Variants in DDX49 observed in about 807,000 individuals in gnomAD.
DDX49 encodes DEAD-box helicase 49, also known as probable ATP-dependent RNA helicase DDX49.
A neutral mutation model predicts 56.3 loss-of-function variants in DDX49; 50 were observed. The observed-to-expected ratio is 0.89, with a 90% CI of 0.71 to 1.12. The LOEUF (loss-of-function observed/expected upper bound fraction) is 1.12. DDX49 is among the 50% of genes most tolerant of loss of function. The pLI is 0.00. For missense variants in DDX49, 614 were observed against 650.5 expected, an observed-to-expected ratio of 0.94 and a Z score of 0.61; for synonymous variants, 269 against 270.6, an observed-to-expected ratio of 0.99 and a Z score of 0.06.
In DDX49 at chr19:18,924,655, G is replaced by A; in HGVS notation, c.885G>A (p.Lys295=). 6.2e-7 allele frequency: 1 copy of A among 1,614,194 alleles called. No individual in the cohort carries two copies. The highest frequency in any genetic ancestry group is 1.1e-5 in the South Asian group (1 of 91,086). The change falls in exon 8 of 13, where the codon AAG becomes AAA. Residue 295 remains lysine, a synonymous_variant. Transcript: ENST00000247003. ...GCTTTGCCGCCCTAGCCAAGTTCAA[G>A]TCCAGCATCTACCGGATCCTGATCG... is the stretch of plus-strand genomic sequence containing the variant. ...KERFAALAKF[K]SSIYRILIAT...
chr19:18,922,018 C>A, intron 4 of DDX49, 54 bp downstream of exon 4: 1 of 1,559,824 alleles, frequency 6.4e-7, no homozygotes, highest in Non-Finnish European at 8.7e-7. Context: ...AGCCTCCAGG[C>A]CCAATGTCAG....
rs2231996 is a variant in DDX49, at chr19:18,921,752, C to T, written c.325+4C>T. The T allele has an allele frequency of 6.9e-3, 11,128 of 1,614,064 alleles. 638 individuals are homozygous for T. The African/African-American group carries it at 0.13, about 18-fold the overall frequency. ...TGCATCATCGTCGGTGGCATGGGTA[C>T]GGGAGCTGGGAGGCGGGGGAAGCCC... On this transcript the variant is annotated splice_donor_region_variant and intron_variant, in intron 3 of 12. Transcript: ENST00000247003.
At chr19:18,922,780 T>G in intron 6 of DDX49, 36 bp downstream of exon 6, 1 of 1,599,464 alleles carries the variant, frequency 6.3e-7, no homozygotes, top group South Asian at 1.1e-5. Context: ...CCACCGCCCT[T>G]CAAAGGAGGA....
intron 6 of DDX49, 76 bp downstream of exon 6, chr19:18,922,820 A>G: frequency 1.9e-6 from 3 of 1,545,996 alleles, no homozygotes; most frequent in Non-Finnish European, 1.8e-6. Context: ...TCTGGGACAC[A>G]CAGCCAGTCT....
At position 18,921,108 on chromosome 19, in the gene DDX49, T is replaced by G. The variant is rs540509668; in HGVS notation, c.239+405T>G. Among the ~76,000 whole-genome samples the G allele has an allele frequency of 2.0e-5, 3 of 150,062 alleles. No homozygotes were observed. The South Asian group carries it at 6.3e-4, about 32-fold the overall frequency. On this transcript the variant is annotated intron_variant, in intron 2 of 12. Coordinates refer to ENST00000247003, the MANE Select transcript of DDX49 (RefSeq NM_019070.5). ...GTGAGCCAAGATCGTGCCATTGCAC[T>G]CCAGCCTGGGCAACAAGAGCAAAAC...
intron 6 of DDX49, 109 bp downstream of exon 6, chr19:18,922,853 A>G: frequency 1.4e-6 from 2 of 1,396,698 alleles, no homozygotes; most frequent in African/African-American, 1.4e-5. Flanking sequence ...GCCTCTGCTC[A>G]GCCTGGAGGT....
chr19:18,921,788 C>A (rs756108768), intron 3 of DDX49, 40 bp downstream of exon 3: 1 of 1,613,942 alleles, frequency 6.2e-7, no homozygotes, highest in East Asian at 2.2e-5. Context: ...CAGCATGGGA[C>A]CCTAGCAGCT....
Position 18,922,603 on chromosome 19 carries a change from G to A in DDX49, c.636-1G>A. On this transcript the variant is annotated splice_acceptor_variant, in intron 5 of 12. Transcript: ENST00000247003. LOFTEE classifies it high-confidence loss of function. ...GTGGCGGTCTATCTGTCCATCCCCA[G>A]GGTGAGCACCGTGGAGCAGCTGGAC... 18 of 1,611,148 alleles carry A rather than the reference G, an allele frequency of 1.1e-5. No individual in the cohort carries two copies. Among genetic ancestry groups the A allele is most frequent in the Non-Finnish European group, 1.5e-5 (18 of 1,178,394 alleles).
chr19:18,923,621 TTCTC>T, intron 6 of DDX49, among the ~76,000 whole-genome samples: 1 of 152,168 alleles, frequency 6.6e-6, no homozygotes, highest in East Asian at 1.9e-4. Context: ...GTGCCCCTCT[TTCTC>T]CTCTGTTTTC....
intron 6 of DDX49, 53 bp from the exon 7 acceptor site, chr19:18,924,180 C>T (rs2056941690): frequency 5.0e-6 from 8 of 1,591,364 alleles, no homozygotes; most frequent in South Asian, 2.2e-5. Context: ...GGCAGGAACA[C>T]CTTCCCAGAA....
Position 18,922,665 on chromosome 19 carries a change from G to C in DDX49, c.697G>C (p.Ala233Pro), listed in dbSNP as rs775026871. The C allele has an allele frequency of 1.1e-5, 17 of 1,614,054 alleles. No individual in the cohort carries two copies. The African/African-American group carries it at 1.9e-4, about 18-fold the overall frequency. ...GCTGGTGCCTGAGAAGGTCAAGGACGCCTACCTGGTCCACCTGATCCAGCG... is the reference window on the plus strand; with the variant it reads ...GCTGGTGCCTGAGAAGGTCAAGGACCCCTACCTGGTCCACCTGATCCAGCG... ...YLLVPEKVKD[A>P]YLVHLIQRFQ... Residue 233 changes from alanine (A) to proline (P), a missense_variant, in exon 6 of 13, where the codon GCC (alanine) becomes CCC (proline). Ala to Pro is a conservative substitution (Grantham distance 27). Transcript: ENST00000247003.
chr19:18,921,609 G>T, intron 2 of DDX49, 54 bp from the exon 3 acceptor site: 1 of 1,536,732 alleles, frequency 6.5e-7, no homozygotes, highest in Non-Finnish European at 9.0e-7. Flanking sequence ...GAGGGGAATG[G>T]GGGGCAGGTC....
intron 7 of DDX49, 86 bp downstream of exon 7, chr19:18,924,394 C>A: frequency 3.6e-6 from 5 of 1,382,596 alleles, no homozygotes; most frequent in African/African-American, 1.4e-5. Context: ...TTCTGCCGGG[C>A]GCCTTCTTCC....
intron 6 of DDX49, 107 bp from the exon 7 acceptor site, chr19:18,924,126 A>C: frequency 9.1e-7 from 1 of 1,097,114 alleles, no homozygotes. Flanking sequence ...CTCCTTTCTA[A>C]GCTGCATGAG....
intron 7 of DDX49, 120 bp downstream of exon 7, chr19:18,924,428 C>T: frequency 8.9e-7 from 1 of 1,123,954 alleles, no homozygotes; most frequent in Non-Finnish European, 1.3e-6. Flanking sequence ...CTTCTGGTCC[C>T]AGAATATCGC....
At position 18,928,271 on chromosome 19, in the gene DDX49, G is replaced by A. The variant is rs35412126; in HGVS notation, c.1407G>A (p.Pro469=). The A allele has an allele frequency of 2.5e-3, 4,031 of 1,584,030 alleles. 89 individuals are homozygous for A. In the African/African-American group the frequency reaches 0.046, roughly 18 times the overall value. Reference sequence around the variant, plus strand: ...ACAAGGGGCGTCCACCCAGGACACCGTCTGGGTCCCACTCAGGCCCAGTCC... The same window carrying A: ...ACAAGGGGCGTCCACCCAGGACACCATCTGGGTCCCACTCAGGCCCAGTCC... The part of the protein sequence containing the change: ...AGHKGRPPRT[P]SGSHSGPVPS... The change falls in exon 13 of 13, where the codon CCG becomes CCA. Residue 469 remains proline, a synonymous_variant. Transcript: ENST00000247003.
rs1330552142 is a variant in DDX49, at chr19:18,919,986, G to A, written c.115+130G>A. 3.6e-5 allele frequency: 23 copies of A among 640,476 alleles called. No homozygotes were observed. In the South Asian group the frequency reaches 4.5e-4, roughly 12 times the overall value. The allele number at this position is 640,476 out of a possible 1,614,324, so 39.7% of individuals were successfully genotyped here. On this transcript the variant is annotated intron_variant, in intron 1 of 12. Coordinates refer to ENST00000247003, the MANE Select transcript of DDX49 (RefSeq NM_019070.5). ...CCTCGGGCGTTACAGGAGATCCGGG[G>A]TTCCGGAGGACGACTGGACAGTGTT...
At chr19:18,925,652 C>A (rs1243193184) in intron 9 of DDX49, among the ~76,000 whole-genome samples, 1 of 152,254 alleles carries the variant, frequency 6.6e-6, no homozygotes, top group African/African-American at 2.4e-5. Context: ...AGGTGATGAA[C>A]TGAGCAGTGT....
intron 9 of DDX49, 173 bp downstream of exon 9, chr19:18,925,152 G>A (rs1025084466): frequency 2.3e-5 from 22 of 960,226 alleles, no homozygotes; most frequent in African/African-American, 1.0e-4. Context: ...CCAGCTACTC[G>A]GGAGGCTGAG....
Sources: gnomAD v4.1 joint callset for allele counts (sites outside exome capture counted in the v4.1 genomes callset) on GRCh38, gnomAD v4.1.1 for gene constraint, MANE v1.5 for transcripts, NCBI Gene and HGNC (gene_info 2026-07-23, HGNC 2026-07-21) for gene names.